Variants in CDK17 observed in about 807,000 individuals in gnomAD.
CDK17 encodes cyclin-dependent kinase 17.
A neutral mutation model predicts 77.6 loss-of-function variants in CDK17; 24 were observed. The observed-to-expected ratio is 0.31, with a 90% CI of 0.22 to 0.44. The LOEUF is 0.44. Ranked by LOEUF, CDK17 falls within the 20% of genes least tolerant of loss-of-function variation. CDK17 has a pLI of 1.00. For synonymous variants in CDK17, 203 were observed against 210.4 expected (o/e 0.96, Z 0.30); for missense variants, 429 against 622.5 (o/e 0.69, Z 3.31).
At chr12:96,369,638 C>T (rs1186696764) in intron 1 of CDK17, among the ~76,000 whole-genome samples, 2 of 151,994 alleles carry the variant, frequency 1.3e-5, no homozygotes, top group South Asian at 2.1e-4. Context: ...ATTATCCAGG[C>T]GTGATGGTGC....
At chr12:96,331,766 C>A (rs1565823209) in intron 2 of CDK17, among the ~76,000 whole-genome samples, 1 of 152,204 alleles carries the variant, frequency 6.6e-6, no homozygotes, top group Middle Eastern at 3.4e-3. Context: ...TATAGTATTA[C>A]CCCCAATTAA....
At chr12:96,356,425 C>T (rs759061565) in intron 1 of CDK17, among the ~76,000 whole-genome samples, 1 of 152,162 alleles carries the variant, frequency 6.6e-6, no homozygotes, top group Non-Finnish European at 1.5e-5. Flanking sequence ...CCCCCCAAGT[C>T]GCTGGGACTT....
At chr12:96,304,299 G>A (rs1952548055) in intron 5 of CDK17, among the ~76,000 whole-genome samples, 1 of 152,182 alleles carries the variant, frequency 6.6e-6, no homozygotes, top group Admixed American at 6.5e-5. Flanking sequence ...AGCACTTTCG[G>A]AGGCCGAGAA....
chr12:96,291,932 C>T (rs966070434), intron 10 of CDK17, among the ~76,000 whole-genome samples: 1 of 151,624 alleles, frequency 6.6e-6, no homozygotes, highest in Non-Finnish European at 1.5e-5. Context: ...AAGAGCATTA[C>T]ATGCAGGTTA....
intron 15 of CDK17, 139 bp from the exon 16 acceptor site, chr12:96,281,024 T>C: frequency 4.3e-6 from 3 of 702,036 alleles, no homozygotes; most frequent in Non-Finnish European, 6.7e-6. Context: ...GCTGAAATTT[T>C]TCCTTTTTGT....
chr12:96,343,773 C>G (rs1953158141), intron 1 of CDK17, among the ~76,000 whole-genome samples: 1 of 152,166 alleles, frequency 6.6e-6, no homozygotes, highest in African/African-American at 2.4e-5. Flanking sequence ...ACCACAGTTA[C>G]CACATTGTAC....
intron 2 of CDK17, among the ~76,000 whole-genome samples, chr12:96,334,232 C>A (rs920170248): frequency 6.6e-6 from 1 of 152,158 alleles, no homozygotes; most frequent in Non-Finnish European, 1.5e-5. Context: ...GTATTTAACA[C>A]ACTTAACAAG....
In CDK17 at chr12:96,281,935, T is replaced by G. The variant is rs530728957; in HGVS notation, c.1456+574A>C. On this transcript the variant is annotated intron_variant, in intron 15 of 16. Transcript: ENST00000261211. Reference sequence around the variant, plus strand: ...AATTCCCCACTCACCTTACTCTATTTTAAAGTAAAATACTGTGGTAATCTA... The same window carrying G: ...AATTCCCCACTCACCTTACTCTATTGTAAAGTAAAATACTGTGGTAATCTA... 4 of 152,290 alleles carry G rather than the reference T, an allele frequency of 2.6e-5. No homozygotes were observed. In the South Asian group the frequency reaches 8.3e-4, roughly 32 times the overall value. 9.4% of individuals were successfully genotyped at this position (152,290 alleles called of 1,614,324 possible). A position where few individuals can be genotyped will look rare whatever the true frequency, so the allele number is the denominator to read the frequency against.
intron 1 of CDK17, among the ~76,000 whole-genome samples, chr12:96,342,014 A>T (rs1953129587): frequency 6.6e-6 from 1 of 152,256 alleles, no homozygotes; most frequent in South Asian, 2.1e-4. Flanking sequence ...ACTTTCCTTT[A>T]GGTAAATAAG....
intron 1 of CDK17, among the ~76,000 whole-genome samples, chr12:96,385,338 A>G (rs900826785): frequency 1.3e-5 from 2 of 151,996 alleles, no homozygotes; most frequent in African/African-American, 4.8e-5. Flanking sequence ...GATGTTAACA[A>G]CAGACACTGG....
chr12:96,297,385 ACTGGT>A, intron 8 of CDK17, 53 bp from the exon 9 acceptor site: 1 of 1,177,282 alleles, frequency 8.5e-7, no homozygotes, highest in Non-Finnish European at 1.3e-6. Context: ...GAATGTTGTG[ACTGGT>A]TCACTTAATA....
chr12:96,382,801 A>AC (rs2137230621), intron 1 of CDK17, among the ~76,000 whole-genome samples: 1 of 152,208 alleles, frequency 6.6e-6, no homozygotes, highest in Non-Finnish European at 1.5e-5. Flanking sequence ...TTTCGATAAA[A>AC]CCCAGCATCC....
At position 96,397,059 on chromosome 12, in the gene CDK17, T is replaced by C. The variant is rs73368425; in HGVS notation, c.-30+2927A>G. Among the ~76,000 whole-genome samples, 738 of 152,180 alleles carry C rather than the reference T, an allele frequency of 4.8e-3. 7 individuals are homozygous for C. The highest frequency in any genetic ancestry group is 0.016 in the African/African-American group (677 of 41,528). ...ACAGCTTCCATTGTTCAAAATAAAA[T>C]AGTTGCATTGTTTTTCAGTGAAAGG... On this transcript the variant is annotated intron_variant, in intron 1 of 16. Transcript: ENST00000261211.
Position 96,279,644 on chromosome 12 carries a change from C to T in CDK17, c.*598G>A, listed in dbSNP as rs905388851. 4 of 152,386 alleles carry T rather than the reference C, an allele frequency of 2.6e-5. No individual in the cohort carries two copies. Among genetic ancestry groups the T allele is most frequent in the African/African-American group, 7.2e-5 (3 of 41,450 alleles). 9.4% of individuals were successfully genotyped at this position (152,386 alleles called of 1,614,324 possible). A position where few individuals can be genotyped will look rare whatever the true frequency, so the allele number is the denominator to read the frequency against. On this transcript the variant is annotated 3_prime_UTR_variant, in exon 17 of 17. Coordinates refer to ENST00000261211, the MANE Select transcript of CDK17 (RefSeq NM_002595.5). Reference sequence around the variant, plus strand: ...CTTCTGCATCACATGCTTATCTAAACGTAATGTGCTTGTCAATCTCTTAGC... The same window carrying T: ...CTTCTGCATCACATGCTTATCTAAATGTAATGTGCTTGTCAATCTCTTAGC...
intron 3 of CDK17, among the ~76,000 whole-genome samples, chr12:96,316,195 G>C (rs12813119): frequency 3.9e-5 from 6 of 152,194 alleles, no homozygotes; most frequent in South Asian, 2.1e-4. Context: ...AAGGGGTGAC[G>C]GACGCACCTG....
intron 1 of CDK17, among the ~76,000 whole-genome samples, chr12:96,367,283 T>C (rs1953602090): frequency 7.7e-6 from 1 of 129,854 alleles, no homozygotes; most frequent in Admixed American, 1.0e-4. Flanking sequence ...AGGTGGAGGT[T>C]GCAGTGAGCC....
chr12:96,298,428 T>G (rs755474217), intron 7 of CDK17, among the ~76,000 whole-genome samples: 13 of 152,212 alleles, frequency 8.5e-5, no homozygotes, highest in Non-Finnish European at 1.3e-4. Flanking sequence ...CTTTTGAAAC[T>G]TCTGGCATTA....
At chr12:96,336,350 G>C (rs1953040806) in intron 1 of CDK17, among the ~76,000 whole-genome samples, 1 of 152,088 alleles carries the variant, frequency 6.6e-6, no homozygotes, top group Admixed American at 6.6e-5. Context: ...TGTATGCCCA[G>C]CTACTCAGGA....
chr12:96,400,160 G>A lies in CDK17; in HGVS notation c.-204C>T. 2.5e-6 allele frequency: 1 copy of A among 394,344 alleles called. No individual in the cohort carries two copies. Among genetic ancestry groups the A allele is most frequent in the Non-Finnish European group, 4.5e-6 (1 of 223,304 alleles). The allele number at this position is 394,344 out of a possible 1,614,324, so 24.4% of individuals were successfully genotyped here. On this transcript the variant is annotated 5_prime_UTR_variant, in exon 1 of 17. Coordinates refer to ENST00000261211, the MANE Select transcript of CDK17 (RefSeq NM_002595.5). Reference sequence around the variant, plus strand: ...ACAGCCGCCTTCCGGCTCTCGCCGCGGGTCCGGAGCCTCGGGAGGGGCCGC... The same window carrying A: ...ACAGCCGCCTTCCGGCTCTCGCCGCAGGTCCGGAGCCTCGGGAGGGGCCGC...
Sources: gnomAD v4.1 joint callset for allele counts (sites outside exome capture counted in the v4.1 genomes callset) on GRCh38, gnomAD v4.1.1 for gene constraint, MANE v1.5 for transcripts, NCBI Gene and HGNC (gene_info 2026-07-23, HGNC 2026-07-21) for gene names.